The following DCC variants were observed in gnomAD, a reference collection of about 807,000 sequenced individuals.
The protein encoded by DCC is DCC netrin 1 receptor.
In DCC, 58 loss-of-function variants were observed where a neutral mutation model predicts 172.5. The ratio of observed to expected loss-of-function variants is 0.34; its 90% CI spans 0.27 to 0.42. DCC has a LOEUF of 0.42. DCC is among the 10% of genes least tolerant of loss of function. The pLI, the probability that DCC is intolerant of heterozygous loss-of-function variation, is 1.00. For synonymous variants in DCC, 709 were observed against 644.5 expected (o/e 1.10, Z -1.52); for missense variants, 1,740 against 1,791.0 (o/e 0.97, Z 0.51).
chr18:52,825,153 C>A (rs1294237763), intron 2 of DCC, among the ~76,000 whole-genome samples: 1 of 152,202 alleles, frequency 6.6e-6, no homozygotes, highest in East Asian at 1.9e-4. Flanking sequence ...TTTGAATGAG[C>A]AATTCATTAT....
chr18:52,873,410 C>T (rs951974024), intron 2 of DCC, among the ~76,000 whole-genome samples: 32 of 152,172 alleles, frequency 2.1e-4, no homozygotes, highest in Non-Finnish European at 3.8e-4. Context: ...TAGATATATA[C>T]ACGAGCTTGC....
chr18:52,914,166 A>G (rs1477478230), intron 3 of DCC, among the ~76,000 whole-genome samples: 1 of 151,966 alleles, frequency 6.6e-6, no homozygotes, highest in Non-Finnish European at 1.5e-5. Context: ...TAATGGCAAC[A>G]TTTGTTTTCT....
chr18:52,719,254 A>C (rs558519367), intron 1 of DCC, among the ~76,000 whole-genome samples: 6 of 152,172 alleles, frequency 3.9e-5, no homozygotes, highest in Non-Finnish European at 8.8e-5. Flanking sequence ...TCTAAATAAC[A>C]TCACAGTCTG....
chr18:53,515,857 C>A (rs981092279), intron 27 of DCC, among the ~76,000 whole-genome samples: 7,525 of 151,468 alleles, frequency 0.05, 639 homozygotes, highest in African/African-American at 0.17. Flanking sequence ...TCAATATCGT[C>A]AAAATGGCCA....
At chr18:53,366,171 C>G (rs1003194511) in intron 15 of DCC, among the ~76,000 whole-genome samples, 1 of 152,014 alleles carries the variant, frequency 6.6e-6, no homozygotes, top group Non-Finnish European at 1.5e-5. Flanking sequence ...ATTCTCCTGC[C>G]TCAACCTCCT....
rs191445770 is a variant in DCC, at chr18:52,397,114, T to G, written c.91+56236T>G. On this transcript the variant is annotated intron_variant, in intron 1 of 28. Transcript: ENST00000442544. Reference sequence around the variant, plus strand: ...CAAGGGATTATGTATACTACATCTTTTTCTTTTATAAATGTTTATAGTAGT... The same window carrying G: ...CAAGGGATTATGTATACTACATCTTGTTCTTTTATAAATGTTTATAGTAGT... Among the ~76,000 whole-genome samples, 171 of 152,176 alleles carry G rather than the reference T, an allele frequency of 1.1e-3. 1 individual carries two copies. In the South Asian group the frequency reaches 0.018, roughly 16 times the overall value.
chr18:53,419,486 T>C (rs2145074499), intron 21 of DCC, among the ~76,000 whole-genome samples: 1 of 152,126 alleles, frequency 6.6e-6, no homozygotes, highest in Admixed American at 6.5e-5. Context: ...TTCTATTCTC[T>C]ACATCGATGA....
At chr18:53,308,471 A>G (rs1179632933) in intron 13 of DCC, among the ~76,000 whole-genome samples, 1 of 152,106 alleles carries the variant, frequency 6.6e-6, no homozygotes, top group Non-Finnish European at 1.5e-5. Context: ...AAATATTACA[A>G]TTTTTGCTTT....
At chr18:53,057,838 C>A (rs1439971937) in intron 5 of DCC, among the ~76,000 whole-genome samples, 1 of 151,958 alleles carries the variant, frequency 6.6e-6, no homozygotes, top group East Asian at 1.9e-4. Flanking sequence ...ATTTAAAAAA[C>A]AAACAAACAT....
At chr18:52,882,144 T>A (rs1236541041) in intron 2 of DCC, among the ~76,000 whole-genome samples, 1 of 152,128 alleles carries the variant, frequency 6.6e-6, no homozygotes, top group Non-Finnish European at 1.5e-5. Flanking sequence ...TGATTTTATA[T>A]CCTGCAACTT....
intron 5 of DCC, among the ~76,000 whole-genome samples, chr18:52,966,415 T>G (rs1389511229): frequency 1.3e-5 from 2 of 152,110 alleles, no homozygotes; most frequent in Admixed American, 1.3e-4. Flanking sequence ...CAATCTCAAT[T>G]TTTTTCTGTA....
chr18:52,394,000 A>T (rs1986125069), intron 1 of DCC, among the ~76,000 whole-genome samples: 1 of 152,058 alleles, frequency 6.6e-6, no homozygotes, highest in Admixed American at 6.6e-5. Flanking sequence ...GATTTGTACC[A>T]CACAGTACCC....
At chr18:53,012,046 A>C (rs907566412) in intron 5 of DCC, among the ~76,000 whole-genome samples, 3 of 151,928 alleles carry the variant, frequency 2.0e-5, no homozygotes, top group Non-Finnish European at 4.4e-5. Flanking sequence ...ATAATGCAAA[A>C]TGTTGGCAAG....
intron 9 of DCC, among the ~76,000 whole-genome samples, chr18:53,196,604 TATTC>T (rs748668401): frequency 3.5e-4 from 54 of 152,248 alleles, no homozygotes; most frequent in African/African-American, 1.1e-3. Flanking sequence ...CTGTCAAAAA[TATTC>T]ATTAATATCT....
At chr18:52,725,610 T>C (rs929191856) in intron 1 of DCC, among the ~76,000 whole-genome samples, 4 of 152,010 alleles carry the variant, frequency 2.6e-5, no homozygotes, top group East Asian at 1.9e-4. Flanking sequence ...TCTTGGTTTG[T>C]GGGGGAGGTG....
At chr18:53,186,321 A>G (rs1196089044) in intron 9 of DCC, among the ~76,000 whole-genome samples, 1 of 152,190 alleles carries the variant, frequency 6.6e-6, no homozygotes, top group African/African-American at 2.4e-5. Context: ...CCCTAAGTAG[A>G]TCTGATTTGG....
intron 1 of DCC, among the ~76,000 whole-genome samples, chr18:52,512,439 C>G (rs1598877800): frequency 6.6e-6 from 1 of 152,144 alleles, no homozygotes; most frequent in African/African-American, 2.4e-5. Context: ...TAACTTCTCG[C>G]CCACTGAAGT....
At chr18:53,053,036 G>C (rs148417622) in intron 5 of DCC, among the ~76,000 whole-genome samples, 4 of 151,986 alleles carry the variant, frequency 2.6e-5, no homozygotes, top group Non-Finnish European at 4.4e-5. Flanking sequence ...CCAGCTACTC[G>C]GAAGGCTGAG....
chr18:52,756,675 T>C (rs770744668), intron 2 of DCC, among the ~76,000 whole-genome samples: 2 of 152,178 alleles, frequency 1.3e-5, no homozygotes, highest in African/African-American at 4.8e-5. Flanking sequence ...ACCGTGAAAA[T>C]GAACTTGCAT....
Sources: allele counts gnomAD v4.1 joint callset (sites outside exome capture counted in the v4.1 genomes callset), GRCh38; gene constraint gnomAD v4.1.1; transcripts MANE v1.5; gene names NCBI Gene and HGNC (gene_info 2026-07-23, HGNC 2026-07-21).